Variants in PCDH9 observed in about 807,000 individuals in gnomAD.
The protein encoded by PCDH9 is protocadherin 9.
Under a neutral mutation model 70.6 loss-of-function variants are expected in PCDH9, and 24 were observed. The ratio of observed to expected loss-of-function variants is 0.34; its 90% confidence interval spans 0.25 to 0.48. The LOEUF is 0.48. Ranked by LOEUF, PCDH9 falls within the 20% of genes least tolerant of loss-of-function variation. The pLI, the probability that PCDH9 is intolerant of heterozygous loss-of-function variation, is 0.99. For synonymous variants in PCDH9, 562 were observed against 558.5 expected (o/e 1.01, Z -0.09); for missense variants, 1,281 against 1,503.6 (o/e 0.85, Z 2.45).
rs191714280 is a variant in PCDH9 at position 66,798,425 on chromosome 13, A to G, written c.3138+105079T>C. ...GGAGTATATGCAGGCATAGGTGTGC[A>G]CAGACACTGAATCTAGACAAAAGAC... On this transcript the variant is annotated intron_variant, in intron 3 of 4. Transcript: ENST00000377865. Among the ~76,000 whole-genome samples the G allele has an allele frequency of 1.7e-3, 262 of 152,234 alleles. 6 individuals are homozygous for G. Among genetic ancestry groups the G allele is most frequent in the African/African-American group, 6.0e-3 (249 of 41,540 alleles).
At chr13:66,470,935 T>C (rs1189601657) in intron 4 of PCDH9, among the ~76,000 whole-genome samples, 2 of 150,232 alleles carry the variant, frequency 1.3e-5, no homozygotes, top group Admixed American at 6.7e-5. Context: ...AATAAATGCA[T>C]TGAGATGCAC....
intron 4 of PCDH9, among the ~76,000 whole-genome samples, chr13:66,358,555 T>A (rs1956421359): frequency 2.0e-5 from 3 of 152,038 alleles, no homozygotes; most frequent in Non-Finnish European, 4.4e-5. Flanking sequence ...GGAAAACTTT[T>A]TTTTCAAGGT....
chr13:66,354,377 A>T (rs1433369506), intron 4 of PCDH9, among the ~76,000 whole-genome samples: 1 of 25,650 alleles, frequency 3.9e-5, no homozygotes, highest in Non-Finnish European at 1.1e-4. Context: ...TTTTCAGATG[A>T]AGGTGATTTA....
intron 3 of PCDH9, among the ~76,000 whole-genome samples, chr13:66,641,404 T>C (rs982564770): frequency 6.6e-6 from 1 of 152,178 alleles, no homozygotes; most frequent in African/African-American, 2.4e-5. Context: ...TTAATTTGTA[T>C]GGAGAAAGTG....
At chr13:67,052,556 GA>G (rs1329397439) in intron 2 of PCDH9, among the ~76,000 whole-genome samples, 33 of 148,116 alleles carry the variant, frequency 2.2e-4, no homozygotes, top group South Asian at 1.5e-3. Context: ...AGCAGCAGCT[GA>G]AAAAAAAAAT....
At chr13:66,597,135 C>T (rs1169113863) in intron 4 of PCDH9, among the ~76,000 whole-genome samples, 1 of 151,678 alleles carries the variant, frequency 6.6e-6, no homozygotes, top group East Asian at 1.9e-4. Flanking sequence ...AATGGATAGA[C>T]ATCCCATGTT....
chr13:66,754,335 C>A (rs1277566570), intron 3 of PCDH9, among the ~76,000 whole-genome samples: 1 of 151,636 alleles, frequency 6.6e-6, no homozygotes, highest in East Asian at 1.9e-4. Context: ...ATGTAACAAA[C>A]CTGCACATTC....
At chr13:66,947,390 T>C (rs1594297951) in intron 2 of PCDH9, among the ~76,000 whole-genome samples, 1 of 152,166 alleles carries the variant, frequency 6.6e-6, no homozygotes, top group Admixed American at 6.6e-5. Context: ...TAATCTTTTC[T>C]ATAAAAATAA....
intron 3 of PCDH9, among the ~76,000 whole-genome samples, chr13:66,689,398 G>A (rs2078450737): frequency 6.6e-6 from 1 of 152,058 alleles, no homozygotes; most frequent in African/African-American, 2.4e-5. Context: ...CGGTGGAAAC[G>A]GAACTGTTCT....
intron 2 of PCDH9, chr13:67,208,607 C>A (rs2089404934): frequency 6.6e-6 from 1 of 151,998 alleles, no homozygotes; most frequent in South Asian, 2.1e-4. Context: ...AAAAGTATTT[C>A]TCATATTTTC....
At chr13:66,445,955 A>C (rs1958080861) in intron 4 of PCDH9, among the ~76,000 whole-genome samples, 1 of 151,698 alleles carries the variant, frequency 6.6e-6, no homozygotes, top group South Asian at 2.1e-4. Flanking sequence ...GAGCTTCCAC[A>C]AAATGGAATG....
chr13:66,739,489 C>A (rs1329780159), intron 3 of PCDH9, among the ~76,000 whole-genome samples: 5 of 147,868 alleles, frequency 3.4e-5, no homozygotes, highest in Admixed American at 6.8e-5. Context: ...TCACACATAA[C>A]AATATTAACT....
Position 67,226,353 on chromosome 13 carries a change from C to A in PCDH9, c.2088G>T (p.Val696=), listed in dbSNP as rs926530693. The part of the protein sequence containing the change: ...LVPLSAIPGS[V]VAEVFAVDVD... ...CATCCACTGCAAAAACTTCTGCTAC[C>A]ACGGAGCCAGGAATGGCTGAGAGGG... Residue 696 remains valine, a synonymous_variant, in exon 2 of 5, where the codon GTG becomes GTT. Transcript: ENST00000377865. This position sits in a 1 kb window ranked among gnomAD's most constrained non-coding sequence, Gnocchi z 5.0. The A allele has an allele frequency of 1.2e-6, 2 of 1,614,124 alleles. No individual in the cohort carries two copies. Among genetic ancestry groups the A allele is most frequent in the South Asian group, 1.1e-5 (1 of 91,076 alleles).
chr13:66,825,357 G>A (rs1184553392), intron 3 of PCDH9: 3 of 44,240 alleles, frequency 6.8e-5, no homozygotes, highest in Non-Finnish European at 1.4e-4. Flanking sequence ...TTTTTTTTGA[G>A]ACGGAGTTTC....
intron 4 of PCDH9, among the ~76,000 whole-genome samples, chr13:66,590,405 G>A (rs1185766969): frequency 6.6e-6 from 1 of 151,798 alleles, no homozygotes; most frequent in Admixed American, 6.6e-5. Flanking sequence ...TAATAAACAT[G>A]AGACAAAGTC....
chr13:66,784,777 G>A (rs9529140), intron 3 of PCDH9, among the ~76,000 whole-genome samples: 56,949 of 151,802 alleles, frequency 0.38, 10,939 homozygotes, highest in East Asian at 0.58. Context: ...AACAATTTAG[G>A]TTGCAAATAT....
intron 4 of PCDH9, among the ~76,000 whole-genome samples, chr13:66,465,323 G>A (rs1958497351): frequency 1.3e-5 from 2 of 151,460 alleles, no homozygotes; most frequent in Admixed American, 6.6e-5. Flanking sequence ...AATTTTGAGG[G>A]TCAAAAAAAA....
chr13:66,470,586 G>A (rs1008825697), intron 4 of PCDH9, among the ~76,000 whole-genome samples: 8 of 151,874 alleles, frequency 5.3e-5, no homozygotes, highest in South Asian at 2.1e-4. Context: ...TCACTGAATG[G>A]CATATACAAA....
intron 3 of PCDH9, among the ~76,000 whole-genome samples, chr13:66,776,554 T>C (rs1442655746): frequency 1.3e-5 from 2 of 151,838 alleles, no homozygotes; most frequent in Non-Finnish European, 2.9e-5. Context: ...ATAAAATACC[T>C]AGGAATCCAA....
Sources: gnomAD v4.1 joint callset for allele counts (sites outside exome capture counted in the v4.1 genomes callset) on GRCh38, gnomAD v4.1.1 for gene constraint, Gnocchi (gnomAD v3.1) non-coding constraint, MANE v1.5 for transcripts, NCBI Gene and HGNC (gene_info 2026-07-23, HGNC 2026-07-21) for gene names.